Variants in CTNNBIP1 observed in about 807,000 individuals in gnomAD.
The protein encoded by CTNNBIP1 is beta-catenin-interacting protein 1.
Under a neutral mutation model 11.8 loss-of-function variants are expected in CTNNBIP1, and 7 were observed. The ratio of observed to expected loss-of-function variants is 0.60; its 90% CI spans 0.34 to 1.12. CTNNBIP1 has a LOEUF of 1.12. Among genes scored for constraint, CTNNBIP1 ranks in the 50% most tolerant of loss-of-function variants. The probability of loss-of-function intolerance (pLI) is 0.03; values close to 1 mark genes in which losing one functional copy is unlikely to be tolerated. For missense variants in CTNNBIP1, 101 were observed against 113.4 expected (o/e 0.89, Z 0.50); for synonymous variants, 58 against 43.9 (o/e 1.32, Z -1.26).
intron 3 of CTNNBIP1, among the ~76,000 whole-genome samples, chr1:9,877,135 T>C (rs116106074): frequency 0.017 from 2,547 of 152,346 alleles, 60 homozygotes; most frequent in African/African-American, 0.057. Context: ...ATTTAAGCAG[T>C]TGATCTCACT....
intron 2 of CTNNBIP1, among the ~76,000 whole-genome samples, chr1:9,879,746 T>TA (rs2101500505): frequency 6.6e-6 from 1 of 152,294 alleles, no homozygotes; most frequent in South Asian, 2.1e-4. Flanking sequence ...TGAAGGGCTT[T>TA]AATTTCTTCT....
chr1:9,908,370 C>CTTTT (rs35640583), intron 1 of CTNNBIP1, among the ~76,000 whole-genome samples: 3 of 72,462 alleles, frequency 4.1e-5, no homozygotes, highest in Non-Finnish European at 8.3e-5. Context: ...TCCACAGATT[C>CTTTT]TTTTTTTTTT....
intron 1 of CTNNBIP1, among the ~76,000 whole-genome samples, chr1:9,887,634 C>T (rs1376525378): frequency 1.3e-5 from 2 of 151,460 alleles, no homozygotes; most frequent in African/African-American, 2.4e-5. Context: ...ACCCAGGAGG[C>T]AGAGGTTGCA....
intron 1 of CTNNBIP1, among the ~76,000 whole-genome samples, chr1:9,896,358 C>T (rs78213623): frequency 0.022 from 3,274 of 152,090 alleles, 51 homozygotes; most frequent in Non-Finnish European, 0.032. Context: ...ATGTATTAGA[C>T]GAAAACACAG....
chr1:9,855,255 C>CTTTTTT (rs35112494), intron 5 of CTNNBIP1, among the ~76,000 whole-genome samples: 3 of 127,388 alleles, frequency 2.4e-5, no homozygotes, highest in African/African-American at 6.0e-5. Context: ...TAAAAATTGC[C>CTTTTTT]TTTTTTTTTT....
chr1:9,889,109 C>G (rs1639244689), intron 1 of CTNNBIP1, among the ~76,000 whole-genome samples: 1 of 152,206 alleles, frequency 6.6e-6, no homozygotes, highest in African/African-American at 2.4e-5. Flanking sequence ...GCCACACACA[C>G]CAAAGTGCTC....
At chr1:9,870,221 C>G (rs1050842421) in intron 5 of CTNNBIP1, among the ~76,000 whole-genome samples, 1 of 152,246 alleles carries the variant, frequency 6.6e-6, no homozygotes, top group Non-Finnish European at 1.5e-5. Context: ...CTTTCGGGGG[C>G]CCGCTCGCGT....
At chr1:9,879,995 T>C (rs1263957025) in intron 2 of CTNNBIP1, among the ~76,000 whole-genome samples, 3 of 152,214 alleles carry the variant, frequency 2.0e-5, no homozygotes, top group Non-Finnish European at 4.4e-5. Context: ...AGTTCCGGGA[T>C]ACATGTGCAG....
intron 1 of CTNNBIP1, among the ~76,000 whole-genome samples, chr1:9,889,989 C>A (rs1439754633): frequency 1.3e-5 from 2 of 152,202 alleles, no homozygotes; most frequent in Admixed American, 1.3e-4. Flanking sequence ...GAAGTGCCCC[C>A]CAGCCTTTGC....
At chr1:9,884,283 C>T (rs1050176577) in intron 1 of CTNNBIP1, among the ~76,000 whole-genome samples, 1 of 152,160 alleles carries the variant, frequency 6.6e-6, no homozygotes, top group Non-Finnish European at 1.5e-5. Flanking sequence ...GATCAGCCAG[C>T]AGCCAGCCAG....
At chr1:9,907,418 G>A (rs2582980) in intron 1 of CTNNBIP1, among the ~76,000 whole-genome samples, 6 of 152,094 alleles carry the variant, frequency 3.9e-5, no homozygotes, top group Non-Finnish European at 5.9e-5. Flanking sequence ...TGATCCGCCC[G>A]CCTTGGCCTC....
intron 1 of CTNNBIP1, among the ~76,000 whole-genome samples, chr1:9,894,158 G>A (rs919893755): frequency 6.6e-6 from 1 of 152,126 alleles, no homozygotes; most frequent in Non-Finnish European, 1.5e-5. Context: ...GAGTCCCACT[G>A]TTCACATTTT....
intron 5 of CTNNBIP1, among the ~76,000 whole-genome samples, chr1:9,859,299 C>A (rs1002851320): frequency 6.6e-6 from 1 of 152,230 alleles, no homozygotes; most frequent in African/African-American, 2.4e-5. Context: ...ATGCCCAATG[C>A]CAGCTTTGCC....
intron 1 of CTNNBIP1, among the ~76,000 whole-genome samples, chr1:9,899,748 G>T (rs1372707129): frequency 6.7e-6 from 1 of 148,514 alleles, no homozygotes; most frequent in Non-Finnish European, 1.5e-5. Flanking sequence ...ACAGAGCAAG[G>T]CTCCGTCTCA....
chr1:9,898,974 T>C (rs537834854), intron 1 of CTNNBIP1, among the ~76,000 whole-genome samples: 11 of 152,328 alleles, frequency 7.2e-5, no homozygotes, highest in Admixed American at 2.6e-4. Context: ...TATTTTTTGG[T>C]ATTTAAAAAA....
At chr1:9,859,132 C>G (rs1478872336) in intron 5 of CTNNBIP1, among the ~76,000 whole-genome samples, 2 of 152,194 alleles carry the variant, frequency 1.3e-5, no homozygotes, top group Non-Finnish European at 2.9e-5. Context: ...GTCCCCACTC[C>G]TATCTCCCCT....
Position 9,897,510 on chromosome 1 carries a change from G to A in CTNNBIP1, c.-144+12585C>T, listed in dbSNP as rs566779245. On this transcript the variant is annotated intron_variant, in intron 1 of 5. Coordinates refer to ENST00000377263, the MANE Select transcript of CTNNBIP1 (RefSeq NM_020248.3). Reference sequence around the variant, plus strand: ...AAACAAAAAAAATGAGAATTAGCCAGGCATGGTGGCGCGTGCCTGTAATCC... The same window carrying A: ...AAACAAAAAAAATGAGAATTAGCCAAGCATGGTGGCGCGTGCCTGTAATCC... Among the ~76,000 whole-genome samples, 28 of 152,134 alleles carry A rather than the reference G, an allele frequency of 1.8e-4. No individual in the cohort carries two copies. In the South Asian group the frequency reaches 3.3e-3, roughly 18 times the overall value.
intron 1 of CTNNBIP1, among the ~76,000 whole-genome samples, chr1:9,892,589 T>TTA (rs202010915): frequency 6.8e-6 from 1 of 147,172 alleles, no homozygotes; most frequent in Admixed American, 6.7e-5. Context: ...CGAGACTGTC[T>TTA]CAAAAAAAAA....
At chr1:9,898,127 A>T (rs960395391) in intron 1 of CTNNBIP1, among the ~76,000 whole-genome samples, 5 of 151,722 alleles carry the variant, frequency 3.3e-5, no homozygotes, top group African/African-American at 4.8e-5. Context: ...CAAAAAAAAA[A>T]AATAAATAAA....
Sources: allele counts gnomAD v4.1 joint callset (sites outside exome capture counted in the v4.1 genomes callset), GRCh38; gene constraint gnomAD v4.1.1; transcripts MANE v1.5; gene names NCBI Gene and HGNC (gene_info 2026-07-23, HGNC 2026-07-21).